Variants in UNC5D observed in about 807,000 individuals in gnomAD.
UNC5D encodes the protein netrin receptor UNC5D.
In UNC5D, 39 loss-of-function variants were observed where a neutral mutation model predicts 105.4. The ratio of observed to expected loss-of-function variants is 0.37; its 90% CI spans 0.29 to 0.48. The LOEUF (loss-of-function observed/expected upper bound fraction) is 0.48. Among genes scored for constraint, UNC5D ranks in the 20% least tolerant of loss-of-function variants. The probability of loss-of-function intolerance (pLI) is 0.98; values close to 1 mark genes in which losing one functional copy is unlikely to be tolerated. For missense variants in UNC5D, 991 were observed against 1,202.4 expected, an observed-to-expected ratio of 0.82 and a Z score of 2.60; for synonymous variants, 452 against 450.4, an observed-to-expected ratio of 1.00 and a Z score of -0.04.
chr8:35,281,501 G>T (rs60238776), intron 1 of UNC5D, among the ~76,000 whole-genome samples: 2 of 150,778 alleles, frequency 1.3e-5, no homozygotes, highest in African/African-American at 4.9e-5. Flanking sequence ...GTGCAGTGGC[G>T]CTGTCTTGGC....
chr8:35,638,447 T>C (rs933240572), intron 4 of UNC5D, among the ~76,000 whole-genome samples: 13 of 152,090 alleles, frequency 8.5e-5, no homozygotes, highest in Admixed American at 3.9e-4. Context: ...CAATTTTTAT[T>C]ATTACTTTTT....
chr8:35,713,194 G>GT (rs1828061616), intron 8 of UNC5D, among the ~76,000 whole-genome samples: 1 of 152,052 alleles, frequency 6.6e-6, no homozygotes, highest in Non-Finnish European at 1.5e-5. Flanking sequence ...TCAGACATAA[G>GT]CACAGACACA....
intron 4 of UNC5D, among the ~76,000 whole-genome samples, chr8:35,650,168 T>A (rs927166851): frequency 3.3e-4 from 51 of 152,274 alleles, no homozygotes; most frequent in African/African-American, 1.1e-3. Context: ...CACAACCACT[T>A]AACCTGTATC....
chr8:35,438,530 A>G (rs999898104), intron 1 of UNC5D, among the ~76,000 whole-genome samples: 1 of 152,030 alleles, frequency 6.6e-6, no homozygotes, highest in East Asian at 1.9e-4. Flanking sequence ...GGCATCTTGT[A>G]TATAGAAAAC....
chr8:35,516,629 T>A (rs1257548981), intron 1 of UNC5D, among the ~76,000 whole-genome samples: 1 of 152,232 alleles, frequency 6.6e-6, no homozygotes, highest in Non-Finnish European at 1.5e-5. Flanking sequence ...ACTTTCCTCC[T>A]AACACTTTCT....
intron 1 of UNC5D, among the ~76,000 whole-genome samples, chr8:35,463,207 G>A (rs1809027898): frequency 6.6e-6 from 1 of 152,134 alleles, no homozygotes; most frequent in South Asian, 2.1e-4. Flanking sequence ...TCTCCTCTCT[G>A]CCTAGTGCTG....
chr8:35,599,839 A>C (rs1040358596), intron 4 of UNC5D, among the ~76,000 whole-genome samples: 2 of 152,200 alleles, frequency 1.3e-5, no homozygotes, highest in African/African-American at 4.8e-5. Context: ...TTTAGGGTAC[A>C]TGTGCACAAC....
intron 14 of UNC5D, among the ~76,000 whole-genome samples, chr8:35,762,008 G>A (rs897407699): frequency 3.3e-5 from 5 of 152,184 alleles, no homozygotes; most frequent in African/African-American, 1.2e-4. Context: ...TGTGGAAAGA[G>A]AAAATCACAC....
chr8:35,620,340 G>A (rs1371325581), intron 4 of UNC5D, among the ~76,000 whole-genome samples: 3 of 152,154 alleles, frequency 2.0e-5, no homozygotes, highest in African/African-American at 7.2e-5. Context: ...GGCAAACAAA[G>A]GAGAGTTGAG....
intron 1 of UNC5D, among the ~76,000 whole-genome samples, chr8:35,280,696 T>C (rs1349390196): frequency 2.0e-5 from 3 of 152,236 alleles, no homozygotes; most frequent in Non-Finnish European, 4.4e-5. Flanking sequence ...TAAATGTATT[T>C]ACAGTCTAGT....
chr8:35,313,888 C>T (rs184100233), intron 1 of UNC5D, among the ~76,000 whole-genome samples: 1 of 152,106 alleles, frequency 6.6e-6, no homozygotes, highest in Non-Finnish European at 1.5e-5. Flanking sequence ...ATAAATGTAG[C>T]CCGTTGTCAT....
chr8:35,691,436 A>G (rs887905891), intron 7 of UNC5D, among the ~76,000 whole-genome samples: 1 of 152,178 alleles, frequency 6.6e-6, no homozygotes, highest in African/African-American at 2.4e-5. Flanking sequence ...GCAGTGAGCT[A>G]TGATTGCTCC....
At chr8:35,301,221 T>C (rs1327807800) in intron 1 of UNC5D, among the ~76,000 whole-genome samples, 2 of 152,178 alleles carry the variant, frequency 1.3e-5, no homozygotes, top group Non-Finnish European at 2.9e-5. Flanking sequence ...GATAAGGACA[T>C]GTTGAAAGGA....
intron 1 of UNC5D, among the ~76,000 whole-genome samples, chr8:35,239,487 C>T (rs1321776483): frequency 1.7e-5 from 2 of 121,052 alleles, no homozygotes; most frequent in African/African-American, 7.5e-5. Context: ...TGATATCCTT[C>T]CCTTCTGCTT....
intron 1 of UNC5D, among the ~76,000 whole-genome samples, chr8:35,492,454 C>T (rs190547115): frequency 5.9e-5 from 9 of 152,092 alleles, no homozygotes; most frequent in African/African-American, 1.7e-4. Context: ...TAAAGTTGGC[C>T]ATCAGTGATT....
intron 1 of UNC5D, among the ~76,000 whole-genome samples, chr8:35,335,067 A>C (rs939625459): frequency 1.1e-4 from 17 of 152,056 alleles, no homozygotes; most frequent in Non-Finnish European, 1.5e-5. Flanking sequence ...TTTTTGTCAA[A>C]ATTTTTTCAC....
intron 1 of UNC5D, among the ~76,000 whole-genome samples, chr8:35,251,594 C>T: frequency 6.6e-6 from 1 of 152,132 alleles, no homozygotes; most frequent in East Asian, 1.9e-4. Flanking sequence ...ATTAATAAAA[C>T]TAATGTGATT....
At chr8:35,460,661 C>T (rs1364959618) in intron 1 of UNC5D, among the ~76,000 whole-genome samples, 1 of 152,210 alleles carries the variant, frequency 6.6e-6, no homozygotes, top group Non-Finnish European at 1.5e-5. Context: ...GAGCATGATG[C>T]AGAGTTCTTT....
intron 1 of UNC5D, among the ~76,000 whole-genome samples, chr8:35,369,191 C>G (rs1490731317): frequency 6.6e-6 from 1 of 152,144 alleles, no homozygotes; most frequent in Non-Finnish European, 1.5e-5. Context: ...AATCACCTAT[C>G]TCTCAGGTAG....
Sources: allele counts gnomAD v4.1 joint callset (sites outside exome capture counted in the v4.1 genomes callset), GRCh38; gene constraint gnomAD v4.1.1; transcripts MANE v1.5; gene names NCBI Gene and HGNC (gene_info 2026-07-23, HGNC 2026-07-21).